SYNJ2BP: variants seen among roughly 807,000 people sequenced by gnomAD.
SYNJ2BP encodes the protein synaptojanin 2 binding protein.
In SYNJ2BP, 10 loss-of-function variants were observed where a neutral mutation model predicts 16.9. The ratio of observed to expected loss-of-function variants is 0.59; its 90% CI spans 0.36 to 1.00. The LOEUF (loss-of-function observed/expected upper bound fraction) is 1.00. Among genes scored for constraint, SYNJ2BP ranks in the 50% least tolerant of loss-of-function variants. SYNJ2BP has a pLI of 0.01. For synonymous variants in SYNJ2BP, 54 were observed against 68.4 expected (o/e 0.79, Z 1.04); for missense variants, 162 against 186.7 (o/e 0.87, Z 0.77).
At chr14:70,384,355 A>G (rs1245017871) in intron 2 of SYNJ2BP, among the ~76,000 whole-genome samples, 4 of 152,216 alleles carry the variant, frequency 2.6e-5, no homozygotes, top group African/African-American at 9.6e-5. Context: ...TAAAAACTAA[A>G]TGAGAATTTA....
At position 70,367,982 on chromosome 14, in the gene SYNJ2BP, G is replaced by A. The variant is rs879399191; in HGVS notation, c.*5009C>T. On this transcript the variant is annotated 3_prime_UTR_variant, in exon 4 of 4. Transcript: ENST00000256366. Reference sequence around the variant, plus strand: ...GGAAAAAAACCTTCATCTGACCAACGATAAATTTCACTAAAATTGACTATA... The same window carrying A: ...GGAAAAAAACCTTCATCTGACCAACAATAAATTTCACTAAAATTGACTATA... The A allele has an allele frequency of 1.1e-4, 17 of 152,096 alleles. No homozygotes were observed. The highest frequency in any genetic ancestry group is 2.1e-4 in the Non-Finnish European group (14 of 68,012). The allele number at this position is 152,096 out of a possible 1,614,324, so 9.4% of individuals were successfully genotyped here. A position where few individuals can be genotyped will look rare whatever the true frequency, so the allele number is the denominator to read the frequency against.
In SYNJ2BP at chr14:70,393,377, T is replaced by C. The variant is rs186452089; in HGVS notation, c.65-4771A>G. ...TGGGAGTGTAAATTAGTTCAACCAT[T>C]ATGGAAGACAGTGTGGAGATTCCTC... is the stretch of plus-strand genomic sequence containing the variant. On this transcript the variant is annotated intron_variant, in intron 1 of 3. Coordinates refer to ENST00000256366, the MANE Select transcript of SYNJ2BP (RefSeq NM_018373.3). Among the ~76,000 whole-genome samples the C allele has an allele frequency of 2.6e-4, 40 of 152,278 alleles. 1 individual carries two copies. Among genetic ancestry groups the C allele is most frequent in the Non-Finnish European group, 1.8e-4 (12 of 68,018 alleles).
In SYNJ2BP at chr14:70,373,281, T is replaced by G; in HGVS notation, c.298-150A>C. 6 of 1,052,454 alleles carry G rather than the reference T, an allele frequency of 5.7e-6. No homozygotes were observed. In the South Asian group the frequency reaches 1.0e-4, roughly 18 times the overall value. The allele number at this position is 1,052,454 out of a possible 1,614,324, so 65.2% of individuals were successfully genotyped here. On this transcript the variant is annotated intron_variant, in intron 3 of 3. Coordinates refer to ENST00000256366, the MANE Select transcript of SYNJ2BP (RefSeq NM_018373.3). Reference sequence around the variant, plus strand: ...CCTAGCAGAAGGAGTCCTCTCTTTGTCCTGAGCTGATGCATCAGTGTCACA... The same window carrying G: ...CCTAGCAGAAGGAGTCCTCTCTTTGGCCTGAGCTGATGCATCAGTGTCACA...
chr14:70,410,718 C>G (rs915792861), intron 1 of SYNJ2BP, among the ~76,000 whole-genome samples: 1 of 152,122 alleles, frequency 6.6e-6, no homozygotes, highest in Admixed American at 6.5e-5. Flanking sequence ...TTCGCAGGAA[C>G]GTGGATGCAG....
chr14:70,386,791 G>A (rs1205966509), intron 2 of SYNJ2BP, among the ~76,000 whole-genome samples: 4 of 151,660 alleles, frequency 2.6e-5, no homozygotes, highest in Non-Finnish European at 5.9e-5. Context: ...TGCATGAGAA[G>A]TAATGTGAAA....
chr14:70,396,176 T>C (rs1296579785), intron 1 of SYNJ2BP, among the ~76,000 whole-genome samples: 3 of 152,196 alleles, frequency 2.0e-5, no homozygotes, highest in African/African-American at 7.2e-5. Flanking sequence ...TGACCAGCAG[T>C]GGCGCGATCT....
intron 2 of SYNJ2BP, among the ~76,000 whole-genome samples, chr14:70,377,498 T>C (rs1034607476): frequency 2.5e-4 from 38 of 152,268 alleles, no homozygotes; most frequent in Admixed American, 1.4e-3. Flanking sequence ...CACCACCGTC[T>C]CCAACCCCAT....
chr14:70,380,806 C>T (rs1350387080), intron 2 of SYNJ2BP, among the ~76,000 whole-genome samples: 1 of 151,992 alleles, frequency 6.6e-6, no homozygotes. Flanking sequence ...TTCTAGATAA[C>T]GTCACTAGAT....
At chr14:70,416,249 TAAATA>T (rs1443632541) in intron 1 of SYNJ2BP, among the ~76,000 whole-genome samples, 1 of 151,206 alleles carries the variant, frequency 6.6e-6, no homozygotes, top group Non-Finnish European at 1.5e-5. Flanking sequence ...AATAAATAAA[TAAATA>T]AAATAAATCT....
intron 2 of SYNJ2BP, among the ~76,000 whole-genome samples, chr14:70,377,502 A>T (rs1887658033): frequency 6.6e-6 from 1 of 151,810 alleles, no homozygotes; most frequent in African/African-American, 2.4e-5. Flanking sequence ...ACCGTCTCCA[A>T]CCCCATTTCT....
intron 1 of SYNJ2BP, among the ~76,000 whole-genome samples, chr14:70,391,280 C>T (rs915010791): frequency 6.6e-5 from 10 of 152,260 alleles, no homozygotes; most frequent in Admixed American, 4.6e-4. Context: ...AGACCCTATT[C>T]TCTAAAAAAA....
chr14:70,403,636 G>A (rs1888287193), intron 1 of SYNJ2BP, among the ~76,000 whole-genome samples: 1 of 152,114 alleles, frequency 6.6e-6, no homozygotes, highest in South Asian at 2.1e-4. Context: ...ACCCTATATG[G>A]TCTAAAAAGG....
At chr14:70,406,599 G>A (rs979469506) in intron 1 of SYNJ2BP, among the ~76,000 whole-genome samples, 5 of 152,194 alleles carry the variant, frequency 3.3e-5, no homozygotes, top group East Asian at 3.9e-4. Flanking sequence ...ATAACATCGC[G>A]ATTGTAAAAC....
chr14:70,368,721 C>T lies in SYNJ2BP; in HGVS notation c.*4270G>A, dbSNP rs1035819377. 2 of 151,776 alleles carry T rather than the reference C, an allele frequency of 1.3e-5. No individual in the cohort carries two copies. The highest frequency in any genetic ancestry group is 4.8e-5 in the African/African-American group (2 of 41,278). The allele number at this position is 151,776 out of a possible 1,614,324, so 9.4% of individuals were successfully genotyped here. On this transcript the variant is annotated 3_prime_UTR_variant, in exon 4 of 4. Coordinates refer to ENST00000256366, the MANE Select transcript of SYNJ2BP (RefSeq NM_018373.3). ...TGTTGTTGTTGTTGTTGTTGTTTTG[C>T]CTGAAGCAATGTATGTAATTTAATA...
chr14:70,384,368 C>G (rs1156575492), intron 2 of SYNJ2BP, among the ~76,000 whole-genome samples: 1 of 152,150 alleles, frequency 6.6e-6, no homozygotes, highest in Non-Finnish European at 1.5e-5. Flanking sequence ...AGAATTTAGA[C>G]TAATACATAA....
chr14:70,398,440 A>G (rs1227314269), intron 1 of SYNJ2BP, among the ~76,000 whole-genome samples: 5 of 152,192 alleles, frequency 3.3e-5, no homozygotes, highest in African/African-American at 1.2e-4. Context: ...CAGCACCCCC[A>G]GGATTCCCCT....
chr14:70,410,341 T>C (rs1021325373), intron 1 of SYNJ2BP, among the ~76,000 whole-genome samples: 1 of 151,438 alleles, frequency 6.6e-6, no homozygotes, highest in African/African-American at 2.4e-5. Context: ...AGAGGATCAC[T>C]TGTACTCAGG....
chr14:70,388,532 T>C lies in SYNJ2BP; in HGVS notation c.139A>G (p.Ile47Val), dbSNP rs751917868. 3 of 1,600,666 alleles carry C rather than the reference T, an allele frequency of 1.9e-6. No homozygotes were observed. The South Asian group carries it at 3.4e-5, about 18-fold the overall frequency. The change falls in exon 2 of 4, where the codon ATC becomes GTC. Residue 47 changes from isoleucine to valine, a missense_variant. Physicochemically the swap from Ile to Val is conservative, Grantham distance 29. Coordinates refer to ENST00000256366, the MANE Select transcript of SYNJ2BP (RefSeq NM_018373.3). ...SNDSGIYVSR[I>V]KENGAAALDG... ...AGGGCCGCAGCCCCATTTTCTTTGA[T>C]GCGGCTGACGTAGATGCCACTGTCG...
intron 1 of SYNJ2BP, among the ~76,000 whole-genome samples, chr14:70,414,066 AGTCTCCT>A (rs1315967803): frequency 6.6e-6 from 1 of 152,230 alleles, no homozygotes; most frequent in Non-Finnish European, 1.5e-5. Context: ...ATTTTGAGAC[AGTCTCCT>A]CCCTATATAT....
Sources: allele counts gnomAD v4.1 joint callset (sites outside exome capture counted in the v4.1 genomes callset), GRCh38; gene constraint gnomAD v4.1.1; transcripts MANE v1.5; gene names NCBI Gene and HGNC (gene_info 2026-07-23, HGNC 2026-07-21).